The following ACVR2B variants were observed in gnomAD, a reference collection of about 807,000 sequenced individuals.
The protein encoded by ACVR2B is activin A receptor type 2B.
In ACVR2B, 18 loss-of-function variants were observed where a neutral mutation model predicts 65.1. The ratio of observed to expected loss-of-function variants is 0.28; its 90% CI spans 0.19 to 0.41. ACVR2B has a LOEUF of 0.41. Ranked by LOEUF, ACVR2B falls within the 10% of genes least tolerant of loss-of-function variation. The pLI, the probability that ACVR2B is intolerant of heterozygous loss-of-function variation, is 1.00. For missense variants in ACVR2B, 482 were observed against 682.7 expected (o/e 0.71, Z 3.28); for synonymous variants, 298 against 277.7 (o/e 1.07, Z -0.73).
chr3:38,454,580 T>G, intron 1 of ACVR2B: 2 of 385,812 alleles, frequency 5.2e-6, no homozygotes, highest in Non-Finnish European at 8.8e-6. Flanking sequence ...TGTGCAGTCA[T>G]CTGCGGGATT....
rs578215223 is a variant in ACVR2B, at chr3:38,478,264, C to T, written c.494C>T (p.Pro165Leu). 11 of 1,614,126 alleles carry T rather than the reference C, an allele frequency of 6.8e-6. No homozygotes were observed. The African/African-American group carries it at 1.2e-4, about 18-fold the overall frequency. Residue 165 changes from proline (P) to leucine (L), a missense_variant, in exon 4 of 11, where the codon CCC (proline) becomes CTC (leucine). Coordinates refer to ENST00000352511, the MANE Select transcript of ACVR2B (RefSeq NM_001106.4). ...LAFWMYRHRK[P>L]PYGHVDIHED... Reference sequence around the variant, plus strand: ...TTTTGGATGTACCGGCATCGCAAGCCCCCCTACGGTCATGTGGACATCCAT... The same window carrying T: ...TTTTGGATGTACCGGCATCGCAAGCTCCCCTACGGTCATGTGGACATCCAT...
chr3:38,484,504 G>A lies in ACVR2B; in HGVS notation c.*1172G>A, dbSNP rs1710080826. ...GTGGTGACATTACTGTCCCCGTTCT[G>A]TGGCTCGTGGACAAGACTTTCTCCA... On this transcript the variant is annotated 3_prime_UTR_variant, in exon 11 of 11. Coordinates refer to ENST00000352511, the MANE Select transcript of ACVR2B (RefSeq NM_001106.4). 6.6e-6 allele frequency: 1 copy of A among 152,208 alleles called. No individual in the cohort carries two copies. Among genetic ancestry groups the A allele is most frequent in the African/African-American group, 2.4e-5 (1 of 41,454 alleles). 9.4% of individuals were successfully genotyped at this position (152,208 alleles called of 1,614,324 possible). A position where few individuals can be genotyped will look rare whatever the true frequency, so the allele number is the denominator to read the frequency against.
chr3:38,468,976 G>C (rs1436123745), intron 1 of ACVR2B, among the ~76,000 whole-genome samples: 1 of 152,164 alleles, frequency 6.6e-6, no homozygotes, highest in Non-Finnish European at 1.5e-5. Context: ...CAGAGCTGTG[G>C]GAGGATGGTG....
chr3:38,459,701 A>C (rs1204547883), intron 1 of ACVR2B: 1 of 981,874 alleles, frequency 1.0e-6, no homozygotes, highest in Non-Finnish European at 1.2e-6. Context: ...TATGGGTGCA[A>C]GTCTCTCCCT....
At position 38,483,082 on chromosome 3, in the gene ACVR2B, T is replaced by C; in HGVS notation, c.1345-56T>C. 6.2e-7 allele frequency: 1 copy of C among 1,600,818 alleles called. No individual in the cohort carries two copies. Among genetic ancestry groups the C allele is most frequent in the Non-Finnish European group, 8.6e-7 (1 of 1,168,426 alleles). The stretch of plus-strand genomic sequence containing the variant: ...CAAGTTTACTGTCCCCCAAAGCTTT[T>C]CCTCACTGAAGGGTCCTAACAAAGG... On this transcript the variant is annotated intron_variant, in intron 10 of 10. Transcript: ENST00000352511. This position sits in a 1 kb window ranked among gnomAD's most constrained non-coding sequence, Gnocchi z 4.8.
rs1163313567 is a variant in ACVR2B, at chr3:38,488,651, A to G, written c.*5319A>G. On this transcript the variant is annotated 3_prime_UTR_variant, in exon 11 of 11. Coordinates refer to ENST00000352511, the MANE Select transcript of ACVR2B (RefSeq NM_001106.4). Reference sequence around the variant, plus strand: ...ATTTTCATGATGGTATTTTCCAGGTATGAATGAAACATGACTTTTTGATTG... The same window carrying G: ...ATTTTCATGATGGTATTTTCCAGGTGTGAATGAAACATGACTTTTTGATTG... The G allele has an allele frequency of 6.6e-6, 1 of 152,234 alleles. No homozygotes were observed. Among genetic ancestry groups the G allele is most frequent in the East Asian group, 1.9e-4 (1 of 5,202 alleles). The allele number at this position is 152,234 out of a possible 1,614,324, so 9.4% of individuals were successfully genotyped here. A position where few individuals can be genotyped will look rare whatever the true frequency, so the allele number is the denominator to read the frequency against.
chr3:38,454,408 G>A (rs1709505340), intron 1 of ACVR2B, 34 bp downstream of exon 1: 1 of 1,243,692 alleles, frequency 8.0e-7, no homozygotes, highest in Non-Finnish European at 1.0e-6. Flanking sequence ...GACGCCGAGA[G>A]GGCGCGCGGG....
intron 1 of ACVR2B, among the ~76,000 whole-genome samples, chr3:38,460,542 T>A (rs1375079627): frequency 6.6e-6 from 1 of 152,234 alleles, no homozygotes; most frequent in Non-Finnish European, 1.5e-5. Context: ...AGCCCCATGC[T>A]TTCCCCTGGT....
At chr3:38,465,557 A>G (rs1709714271) in intron 1 of ACVR2B, among the ~76,000 whole-genome samples, 1 of 152,174 alleles carries the variant, frequency 6.6e-6, no homozygotes, top group African/African-American at 2.4e-5. Flanking sequence ...TGCTTTTATC[A>G]GGGGATTAGG....
intron 1 of ACVR2B, among the ~76,000 whole-genome samples, chr3:38,457,982 GT>G (rs1709578547): frequency 6.6e-6 from 1 of 152,194 alleles, no homozygotes; most frequent in East Asian, 1.9e-4. Flanking sequence ...GCTCTGCCCT[GT>G]CTGGGTGGGC....
chr3:38,456,423 G>C (rs1456938591), intron 1 of ACVR2B, among the ~76,000 whole-genome samples: 1 of 152,242 alleles, frequency 6.6e-6, no homozygotes, highest in African/African-American at 2.4e-5. Flanking sequence ...GAAGAGTGCT[G>C]TGTGACAGAA....
At position 38,454,003 on chromosome 3, in the gene ACVR2B, C is replaced by G. The variant is rs1213235220; in HGVS notation, c.-320C>G. ...CCGGACTCGGCCCCTGCGCCCGGGGCCCGGGCCCAGCCCCGCCGCGCTATG... is the reference window on the plus strand; with the variant it reads ...CCGGACTCGGCCCCTGCGCCCGGGGGCCGGGCCCAGCCCCGCCGCGCTATG... On this transcript the variant is annotated 5_prime_UTR_variant, in exon 1 of 11. Coordinates refer to ENST00000352511, the MANE Select transcript of ACVR2B (RefSeq NM_001106.4). The G allele has an allele frequency of 7.3e-6, 1 of 136,260 alleles. No individual in the cohort carries two copies. The highest frequency in any genetic ancestry group is 2.7e-4 in the East Asian group (1 of 3,768). 8.4% of individuals were successfully genotyped at this position (136,260 alleles called of 1,614,324 possible). A position where few individuals can be genotyped will look rare whatever the true frequency, so the allele number is the denominator to read the frequency against.
intron 6 of ACVR2B, 117 bp downstream of exon 6, chr3:38,479,388 G>T (rs768528311): frequency 4.1e-6 from 6 of 1,473,640 alleles, no homozygotes; most frequent in South Asian, 2.3e-5. Context: ...ACTCTGCCCC[G>T]GTAGCACTAT....
intron 1 of ACVR2B, among the ~76,000 whole-genome samples, chr3:38,468,858 A>G (rs1193668554): frequency 6.6e-6 from 1 of 152,198 alleles, no homozygotes; most frequent in African/African-American, 2.4e-5. Context: ...GTGGGACTAC[A>G]AGAGGGAGCA....
In ACVR2B at chr3:38,491,073, A is replaced by G. The variant is rs975084991; in HGVS notation, c.*7741A>G. The G allele has an allele frequency of 7.2e-5, 11 of 152,616 alleles. No individual in the cohort carries two copies. Among genetic ancestry groups the G allele is most frequent in the African/African-American group, 2.7e-4 (11 of 41,446 alleles). 9.5% of individuals were successfully genotyped at this position (152,616 alleles called of 1,614,324 possible). On this transcript the variant is annotated 3_prime_UTR_variant, in exon 11 of 11. Transcript: ENST00000352511. ...TAAATGGCAGGATAAAAAACCCACT[A>G]TCCACCATAGTGCATTTTGGGAAGA...
chr3:38,477,307 G>A lies in ACVR2B; in HGVS notation c.73G>A (p.Glu25Lys). The A allele has an allele frequency of 6.2e-7, 1 of 1,614,116 alleles. No individual in the cohort carries two copies. Among genetic ancestry groups the A allele is most frequent in the Non-Finnish European group, 8.5e-7 (1 of 1,179,976 alleles). Residue 25 changes from glutamate (E) to lysine (K), a missense_variant, in exon 2 of 11, where the codon GAG (glutamate) becomes AAG (lysine). Around this residue, in one of 5 missense-constraint regions of ACVR2B, gnomAD observed 41 missense variants for 38.2 expected, o/e 1.07. Transcript: ENST00000352511. This position sits in a 1 kb window ranked among gnomAD's most constrained non-coding sequence, Gnocchi z 6.7. Reference protein sequence around the residue: ...LCAGSGRGEAETRECIYYNAN... With the variant: ...LCAGSGRGEAKTRECIYYNAN... Reference sequence around the variant, plus strand: ...CACAGGCTCTGGGCGTGGGGAGGCTGAGACACGGGAGTGCATCTACTACAA... The same window carrying A: ...CACAGGCTCTGGGCGTGGGGAGGCTAAGACACGGGAGTGCATCTACTACAA...
In ACVR2B at chr3:38,478,249, A is replaced by T. The variant is rs555828910; in HGVS notation, c.479A>T (p.Tyr160Phe). 1 of 1,613,910 alleles carries T rather than the reference A, an allele frequency of 6.2e-7. No individual in the cohort carries two copies. The highest frequency in any genetic ancestry group is 1.1e-5 in the South Asian group (1 of 91,058). ...SLIVLLAFWM[Y>F]RHRKPPYGHV... ...ATCGTCCTGCTGGCCTTTTGGATGT[A>T]CCGGCATCGCAAGCCCCCCTACGGT... Residue 160 changes from tyrosine (Y) to phenylalanine (F), a missense_variant, in exon 4 of 11, where the codon TAC becomes TTC. By Grantham distance (22) the Tyr-to-Phe change is conservative. Around this residue, in one of 5 missense-constraint regions of ACVR2B, gnomAD observed 95 missense variants for 91.6 expected, o/e 1.04. Transcript: ENST00000352511.
In ACVR2B at chr3:38,477,194, C is replaced by T; in HGVS notation, c.53-93C>T. Reference sequence around the variant, plus strand: ...CCCAACCCACCACCCGGCCTCCCTCCCTCAGGGTGGCCTGGCACCCAGGAC... The same window carrying T: ...CCCAACCCACCACCCGGCCTCCCTCTCTCAGGGTGGCCTGGCACCCAGGAC... On this transcript the variant is annotated intron_variant, in intron 1 of 10. Transcript: ENST00000352511. This position sits in a 1 kb window ranked among gnomAD's most constrained non-coding sequence, Gnocchi z 6.7. 6.7e-7 allele frequency: 1 copy of T among 1,481,822 alleles called. No individual in the cohort carries two copies. The allele number at this position is 1,481,822 out of a possible 1,614,324, so 91.8% of individuals were successfully genotyped here.
Position 38,492,793 on chromosome 3 carries a change from C to T in ACVR2B, c.*9461C>T, listed in dbSNP as rs1258081157. 1.1e-4 allele frequency: 6 copies of T among 54,780 alleles called. No homozygotes were observed. The highest frequency in any genetic ancestry group is 7.1e-4 in the Admixed American group (3 of 4,246). 3.4% of individuals were successfully genotyped at this position (54,780 alleles called of 1,614,324 possible). A position where few individuals can be genotyped will look rare whatever the true frequency, so the allele number is the denominator to read the frequency against. The stretch of plus-strand genomic sequence containing the variant: ...ACACACACACACACACACACACACA[C>T]ACACACACACATACACCTAAAATGG... On this transcript the variant is annotated 3_prime_UTR_variant, in exon 11 of 11. Coordinates refer to ENST00000352511, the MANE Select transcript of ACVR2B (RefSeq NM_001106.4).
Sources: gnomAD v4.1 joint callset for allele counts (sites outside exome capture counted in the v4.1 genomes callset) on GRCh38, gnomAD v4.1.1 for gene constraint, gnomAD v4.1.1 regional missense constraint, Gnocchi (gnomAD v3.1) non-coding constraint, MANE v1.5 for transcripts, NCBI Gene and HGNC (gene_info 2026-07-23, HGNC 2026-07-21) for gene names.